Variants in GALNT9 observed in about 807,000 individuals in gnomAD.
GALNT9 encodes GalNAc transferase 9.
In GALNT9, 47 loss-of-function variants were observed where a neutral mutation model predicts 63.1. The ratio of observed to expected loss-of-function variants is 0.75; its 90% confidence interval spans 0.59 to 0.95. GALNT9 has a LOEUF of 0.95. Ranked by LOEUF, GALNT9 falls within the 40% of genes least tolerant of loss-of-function variation. GALNT9 has a pLI of 0.00. For synonymous variants in GALNT9, 396 were observed against 365.7 expected (o/e 1.08, Z -0.94); for missense variants, 829 against 874.8 (o/e 0.95, Z 0.66).
At chr12:132,261,419 G>A (rs560542089) in intron 3 of GALNT9, among the ~76,000 whole-genome samples, 1 of 152,314 alleles carries the variant, frequency 6.6e-6, no homozygotes, top group East Asian at 1.9e-4. Flanking sequence ...GCAGTCAGCT[G>A]TAAAAAACCA....
intron 6 of GALNT9, among the ~76,000 whole-genome samples, chr12:132,237,687 G>A (rs1230732702): frequency 1.3e-5 from 2 of 152,242 alleles, no homozygotes; most frequent in East Asian, 3.8e-4. Flanking sequence ...GTGGGGGATG[G>A]GGTCCCCTCC....
At chr12:132,270,978 CA>C (rs755056053) in intron 2 of GALNT9, among the ~76,000 whole-genome samples, 16 of 152,024 alleles carry the variant, frequency 1.1e-4, no homozygotes, top group South Asian at 4.2e-4. Context: ...AAGGAGGAGA[CA>C]GGGGCAGAGA....
chr12:132,225,274 A>C, intron 6 of GALNT9, among the ~76,000 whole-genome samples: 2 of 100,416 alleles, frequency 2.0e-5, no homozygotes, highest in African/African-American at 4.0e-5. Flanking sequence ...ACACCACACA[A>C]CCCACCCCAC....
chr12:132,305,544 GGC>G (rs1555244556), intron 1 of GALNT9, among the ~76,000 whole-genome samples: 96 of 144,234 alleles, frequency 6.7e-4, no homozygotes, highest in African/African-American at 2.4e-3. Context: ...CCCTCACCCG[GGC>G]ACACCCTCAC....
chr12:132,226,998 C>A (rs1193687905), intron 6 of GALNT9, among the ~76,000 whole-genome samples: 1 of 150,426 alleles, frequency 6.6e-6, no homozygotes, highest in Admixed American at 6.6e-5. Flanking sequence ...ACACACCCAT[C>A]CCCCCCACAC....
chr12:132,263,398 AGTCCTGAGAAAGGAAGTAC>A (rs1879477198), intron 2 of GALNT9, among the ~76,000 whole-genome samples: 1 of 152,122 alleles, frequency 6.6e-6, no homozygotes, highest in South Asian at 2.1e-4. Context: ...TAAAACAGAA[AGTCCTGAGAAAGGAAGTAC>A]GTCCTAGGAC....
intron 1 of GALNT9, among the ~76,000 whole-genome samples, chr12:132,295,975 G>A (rs1390757255): frequency 6.8e-6 from 1 of 147,588 alleles, no homozygotes; most frequent in Non-Finnish European, 1.5e-5. Context: ...GGAACAGGGA[G>A]AGCCTCCAAA....
At chr12:132,218,215 T>C (rs983760378) in intron 6 of GALNT9, among the ~76,000 whole-genome samples, 4 of 152,226 alleles carry the variant, frequency 2.6e-5, no homozygotes, top group African/African-American at 7.2e-5. Context: ...TGCAAAGCTG[T>C]GTCATCAAGA....
intron 6 of GALNT9, among the ~76,000 whole-genome samples, chr12:132,241,734 C>G (rs1185198384): frequency 3.6e-5 from 4 of 111,596 alleles, no homozygotes; most frequent in South Asian, 3.1e-4. Flanking sequence ...CTCCCTATAC[C>G]CATTACACAC....
At chr12:132,325,734 A>G (rs782250791) in intron 1 of GALNT9, among the ~76,000 whole-genome samples, 1 of 152,226 alleles carries the variant, frequency 6.6e-6, no homozygotes, top group Non-Finnish European at 1.5e-5. Context: ...GACCTGGGCT[A>G]GGGCAGGTCA....
At chr12:132,284,617 G>A (rs893895356) in intron 2 of GALNT9, 2 of 152,266 alleles carry the variant, frequency 1.3e-5, no homozygotes, top group Non-Finnish European at 2.9e-5. Context: ...CTCTGGATGT[G>A]GCTGAGGTGT....
chr12:132,328,319 C>G (rs1869131135), intron 1 of GALNT9, among the ~76,000 whole-genome samples: 1 of 152,122 alleles, frequency 6.6e-6, no homozygotes, highest in South Asian at 2.1e-4. Flanking sequence ...CTTGGGCCCC[C>G]CTGGGTAATG....
chr12:132,272,115 G>A (rs1276187641), intron 2 of GALNT9, among the ~76,000 whole-genome samples: 4 of 152,172 alleles, frequency 2.6e-5, no homozygotes, highest in African/African-American at 7.2e-5. Flanking sequence ...CAGAGCGGTC[G>A]GGGGACGCAC....
chr12:132,286,471 C>T lies in GALNT9; in HGVS notation c.239-41G>A. 6.6e-7 allele frequency: 1 copy of T among 1,521,212 alleles called. No individual in the cohort carries two copies. The highest frequency in any genetic ancestry group is 8.8e-7 in the Non-Finnish European group (1 of 1,133,248). The allele number at this position is 1,521,212 out of a possible 1,614,324, so 94.2% of individuals were successfully genotyped here. On this transcript the variant is annotated intron_variant, in intron 1 of 10. Transcript: ENST00000328957. This position sits in a 1 kb window ranked among gnomAD's most constrained non-coding sequence, Gnocchi z 7.4. ...AGAGGGAGGTCAGGCAGGCCCAGGA[C>T]ACGCTGCGTCTGCACCCAGGAGACG...
chr12:132,272,925 G>C (rs1379809498), intron 2 of GALNT9: 1 of 152,306 alleles, frequency 6.6e-6, no homozygotes, highest in Non-Finnish European at 1.5e-5. Flanking sequence ...GCTCACCTTT[G>C]AGCTCGACGC....
At chr12:132,267,838 T>A in intron 2 of GALNT9, among the ~76,000 whole-genome samples, 1 of 74,536 alleles carries the variant, frequency 1.3e-5, no homozygotes, top group Admixed American at 1.3e-4. Context: ...GTCACACACA[T>A]GCATACAACC....
intron 6 of GALNT9, among the ~76,000 whole-genome samples, chr12:132,222,924 C>A (rs1447336060): frequency 7.2e-6 from 1 of 138,704 alleles, no homozygotes; most frequent in Non-Finnish European, 1.6e-5. Context: ...ACATCCCACA[C>A]AACCCACACC....
chr12:132,202,972 G>A (rs892563093), intron 7 of GALNT9, among the ~76,000 whole-genome samples: 5 of 152,114 alleles, frequency 3.3e-5, no homozygotes, highest in Admixed American at 2.0e-4. Flanking sequence ...ATCCACGGAC[G>A]AGTGGATCCA....
chr12:132,329,020 C>T lies in GALNT9; in HGVS notation c.184G>A (p.Ala62Thr). 1.3e-6 allele frequency: 2 copies of T among 1,544,188 alleles called. No homozygotes were observed. Among genetic ancestry groups the T allele is most frequent in the Non-Finnish European group, 8.7e-7 (1 of 1,145,814 alleles). Residue 62 changes from alanine (A) to threonine (T), a missense_variant, in exon 1 of 11, where the codon GCC becomes ACC. Physicochemically the swap from Ala to Thr is moderately conservative, Grantham distance 58. Coordinates refer to ENST00000328957, the MANE Select transcript of GALNT9 (RefSeq NM_001122636.2). ...AKVGTLGDRE[A>T]ILQRLDHLEE... ...AGGTGGTCCAGGCGCTGCAGGATGGCCTCACGGTCCCCCAGCGTGCCCACC... is the reference window on the plus strand; with the variant it reads ...AGGTGGTCCAGGCGCTGCAGGATGGTCTCACGGTCCCCCAGCGTGCCCACC...
Sources: gnomAD v4.1 joint callset for allele counts (sites outside exome capture counted in the v4.1 genomes callset) on GRCh38, gnomAD v4.1.1 for gene constraint, Gnocchi (gnomAD v3.1) non-coding constraint, MANE v1.5 for transcripts, NCBI Gene and HGNC (gene_info 2026-07-23, HGNC 2026-07-21) for gene names.